The following EPHA6 variants were observed in gnomAD, a reference collection of about 807,000 sequenced individuals.
The protein encoded by EPHA6 is EPH receptor A6, also known as ephrin type-A receptor 6.
In EPHA6, 50 loss-of-function variants were observed where a neutral mutation model predicts 112.0. The observed-to-expected ratio is 0.45, with a 90% CI of 0.36 to 0.56. The LOEUF (loss-of-function observed/expected upper bound fraction) is 0.56. Among genes scored for constraint, EPHA6 ranks in the 20% least tolerant of loss-of-function variants. The probability of loss-of-function intolerance (pLI) is 0.00; values close to 1 mark genes in which losing one functional copy is unlikely to be tolerated. For synonymous variants in EPHA6, 529 were observed against 490.7 expected (o/e 1.08, Z -1.03); for missense variants, 1,280 against 1,417.4 (o/e 0.90, Z 1.56).
intron 5 of EPHA6, among the ~76,000 whole-genome samples, chr3:97,283,303 A>G (rs2080351099): frequency 6.6e-6 from 1 of 152,164 alleles, no homozygotes; most frequent in Non-Finnish European, 1.5e-5. Flanking sequence ...TGAAATATAA[A>G]TTATTATCTT....
chr3:96,870,284 G>A lies in EPHA6; in HGVS notation c.450+3395G>A, dbSNP rs572091667. Among the ~76,000 whole-genome samples the A allele has an allele frequency of 1.4e-4, 22 of 152,130 alleles. 1 individual carries two copies. Among genetic ancestry groups the A allele is most frequent in the African/African-American group, 5.1e-4 (21 of 41,530 alleles). ...AATTTAGTCCTAGTCCAAAGGCCCG[G>A]GGAGTGGGTACTGACATCAGTTCCC... On this transcript the variant is annotated intron_variant, in intron 2 of 17. Coordinates refer to ENST00000389672, the MANE Select transcript of EPHA6 (RefSeq NM_001080448.3).
intron 5 of EPHA6, among the ~76,000 whole-genome samples, chr3:97,329,598 G>A (rs2082674485): frequency 6.6e-6 from 1 of 151,948 alleles, no homozygotes; most frequent in Non-Finnish European, 1.5e-5. Flanking sequence ...TGTGTCTTTT[G>A]GCTGCATAAA....
chr3:96,875,979 T>A (rs1196245581), intron 2 of EPHA6, among the ~76,000 whole-genome samples: 2 of 151,496 alleles, frequency 1.3e-5, no homozygotes, highest in African/African-American at 2.4e-5. Context: ...TCTGATTTTA[T>A]CAGCAAGTTC....
intron 10 of EPHA6, among the ~76,000 whole-genome samples, chr3:97,502,040 C>T (rs1451162066): frequency 1.3e-5 from 2 of 151,836 alleles, no homozygotes; most frequent in Non-Finnish European, 2.9e-5. Flanking sequence ...ACATTACCCC[C>T]TATACCCAGG....
At chr3:96,927,045 T>G (rs982877353) in intron 2 of EPHA6, among the ~76,000 whole-genome samples, 2 of 152,218 alleles carry the variant, frequency 1.3e-5, no homozygotes, top group African/African-American at 4.8e-5. Flanking sequence ...TCTGAGCATT[T>G]CCATACATTC....
chr3:97,644,021 T>G (rs1420864805), intron 14 of EPHA6, among the ~76,000 whole-genome samples: 2 of 151,504 alleles, frequency 1.3e-5, no homozygotes, highest in Non-Finnish European at 3.0e-5. Context: ...ATTCCAAACT[T>G]GACCACATAC....
chr3:96,879,186 T>G lies in EPHA6; in HGVS notation c.450+12297T>G, dbSNP rs140340289. Among the ~76,000 whole-genome samples, 477 of 152,236 alleles carry G rather than the reference T, an allele frequency of 3.1e-3. 4 individuals are homozygous for G. The highest frequency in any genetic ancestry group is 0.011 in the African/African-American group (437 of 41,578). On this transcript the variant is annotated intron_variant, in intron 2 of 17. Transcript: ENST00000389672. ...TATGAATGTTACTGTATTTCTTTAT[T>G]TCACTAAAGATCCATTTCTAGCATT... is the stretch of plus-strand genomic sequence containing the variant.
intron 3 of EPHA6, among the ~76,000 whole-genome samples, chr3:97,031,385 G>C (rs1463244811): frequency 6.6e-6 from 1 of 151,980 alleles, no homozygotes; most frequent in Non-Finnish European, 1.5e-5. Flanking sequence ...CATAGGCATG[G>C]GCAAGGACTT....
chr3:97,199,260 G>C (rs1035567819), intron 3 of EPHA6, among the ~76,000 whole-genome samples: 3 of 152,064 alleles, frequency 2.0e-5, no homozygotes, highest in Non-Finnish European at 4.4e-5. Flanking sequence ...TAGGGTATTG[G>C]GGAAGGAAAT....
At chr3:97,005,352 C>T (rs2043837736) in intron 3 of EPHA6, among the ~76,000 whole-genome samples, 1 of 152,008 alleles carries the variant, frequency 6.6e-6, no homozygotes, top group South Asian at 2.1e-4. Flanking sequence ...AGCTGTATTC[C>T]TAGGTATATT....
chr3:97,718,925 T>C (rs972620243), intron 14 of EPHA6, among the ~76,000 whole-genome samples: 1 of 152,112 alleles, frequency 6.6e-6, no homozygotes, highest in Non-Finnish European at 1.5e-5. Context: ...CTCAGTTTGC[T>C]CACTTATAAA....
intron 5 of EPHA6, among the ~76,000 whole-genome samples, chr3:97,394,039 A>T (rs531348273): frequency 2.0e-5 from 3 of 151,888 alleles, no homozygotes; most frequent in East Asian, 1.9e-4. Context: ...ACATGGGTGT[A>T]CATAAATTTG....
At chr3:97,696,142 A>G (rs1393256811) in intron 14 of EPHA6, among the ~76,000 whole-genome samples, 1 of 152,176 alleles carries the variant, frequency 6.6e-6, no homozygotes, top group Non-Finnish European at 1.5e-5. Flanking sequence ...AAACAACTTC[A>G]TTTTTCCCCA....
At chr3:97,584,936 G>C (rs2093474563) in intron 11 of EPHA6, among the ~76,000 whole-genome samples, 2 of 152,230 alleles carry the variant, frequency 1.3e-5, no homozygotes, top group Admixed American at 1.3e-4. Flanking sequence ...AGATTAATCA[G>C]TTAGTGAATG....
chr3:97,025,646 T>C (rs1353240997), intron 3 of EPHA6, among the ~76,000 whole-genome samples: 2 of 152,218 alleles, frequency 1.3e-5, no homozygotes, highest in East Asian at 3.9e-4. Context: ...TAGTGTGCAG[T>C]GGCGCGATCT....
chr3:97,555,690 T>G (rs1197296802), intron 11 of EPHA6, among the ~76,000 whole-genome samples: 4 of 152,200 alleles, frequency 2.6e-5, no homozygotes, highest in African/African-American at 9.7e-5. Flanking sequence ...ATGGTGAGCA[T>G]TTTTTCATGT....
At position 97,643,642 on chromosome 3, in the gene EPHA6, C is replaced by G. The variant is rs1392594959; in HGVS notation, c.2784+5560C>G. Reference sequence around the variant, plus strand: ...ACAAAAAAAAGCAGGCGTTGCAATCCTAGTCTCTGATAAAACAGACTTTAA... The same window carrying G: ...ACAAAAAAAAGCAGGCGTTGCAATCGTAGTCTCTGATAAAACAGACTTTAA... On this transcript the variant is annotated intron_variant, in intron 14 of 17. Transcript: ENST00000389672. 4.0e-5 allele frequency among the ~76,000 whole-genome samples: 6 copies of G among 151,892 alleles called. No individual in the cohort carries two copies. The East Asian group carries it at 1.2e-3, about 30-fold the overall frequency.
intron 3 of EPHA6, among the ~76,000 whole-genome samples, chr3:97,019,200 C>G (rs986977762): frequency 6.6e-6 from 1 of 152,086 alleles, no homozygotes; most frequent in Admixed American, 6.5e-5. Context: ...AGCTCGTGTC[C>G]TCGGTCCCTT....
At chr3:97,351,416 T>C (rs2083808656) in intron 5 of EPHA6, among the ~76,000 whole-genome samples, 1 of 152,242 alleles carries the variant, frequency 6.6e-6, no homozygotes, top group East Asian at 1.9e-4. Flanking sequence ...TTATGCTTGC[T>C]TTTGTTTGTT....
Sources: allele counts gnomAD v4.1 joint callset (sites outside exome capture counted in the v4.1 genomes callset), GRCh38; gene constraint gnomAD v4.1.1; transcripts MANE v1.5; gene names NCBI Gene and HGNC (gene_info 2026-07-23, HGNC 2026-07-21).